Variants in RBFOX1 observed in about 807,000 individuals in gnomAD.
RBFOX1 encodes the protein RNA binding protein fox-1 homolog 1.
In RBFOX1, 8 loss-of-function variants were observed where a neutral mutation model predicts 57.7. The ratio of observed to expected loss-of-function variants is 0.14; its 90% CI spans 0.08 to 0.25. RBFOX1 has a LOEUF of 0.25. Among genes scored for constraint, RBFOX1 ranks in the 10% least tolerant of loss-of-function variants. The pLI, the probability that RBFOX1 is intolerant of heterozygous loss-of-function variation, is 1.00. For synonymous variants in RBFOX1, 326 were observed against 222.4 expected (o/e 1.47, Z -4.15); for missense variants, 611 against 548.5 (o/e 1.11, Z -1.14).
intron 4 of RBFOX1, among the ~76,000 whole-genome samples, chr16:7,054,496 C>T (rs1321658876): frequency 7.4e-6 from 1 of 135,516 alleles, no homozygotes; most frequent in African/African-American, 2.6e-5. Flanking sequence ...CAGCCTCGGC[C>T]CCCCAAGGTG....
chr16:5,366,578 G>T (rs1437520680), intron 1 of RBFOX1: 1 of 386,494 alleles, frequency 2.6e-6, no homozygotes, highest in African/African-American at 2.1e-5. Context: ...ATAGAAAAAG[G>T]TGATTCTTTT....
In RBFOX1 at chr16:5,761,040, G is replaced by T. The variant is rs185634605; in HGVS notation, c.319-106263G>T. Among the ~76,000 whole-genome samples, 246 of 152,308 alleles carry T rather than the reference G, an allele frequency of 1.6e-3. 1 individual carries two copies. Among genetic ancestry groups the T allele is most frequent in the Middle Eastern group, 0.014 (4 of 294 alleles). On this transcript the variant is annotated intron_variant, in intron 3 of 19. Transcript: ENST00000641259. ...TAATGTGGTAATTGATAGGATGGTG[G>T]CCAGTAGAAGGTTCTGGGGCAGGAA...
intron 2 of RBFOX1, among the ~76,000 whole-genome samples, chr16:5,482,521 A>G (rs1485069372): frequency 1.3e-5 from 2 of 152,248 alleles, no homozygotes; most frequent in Non-Finnish European, 2.9e-5. Flanking sequence ...GGAGAAAGAC[A>G]AAGCAGGCAC....
intron 2 of RBFOX1, among the ~76,000 whole-genome samples, chr16:6,362,548 C>T (rs900881463): frequency 1.3e-5 from 2 of 152,152 alleles, no homozygotes. Context: ...ATTAAGTTTA[C>T]CTGATGCTCT....
At chr16:5,542,899 T>A (rs1344574408) in intron 2 of RBFOX1, among the ~76,000 whole-genome samples, 2 of 152,188 alleles carry the variant, frequency 1.3e-5, no homozygotes, top group African/African-American at 2.4e-5. Context: ...TTTTAAGAGC[T>A]GCTTATAAGG....
chr16:5,959,906 A>G (rs2059715677), intron 4 of RBFOX1, among the ~76,000 whole-genome samples: 1 of 152,178 alleles, frequency 6.6e-6, no homozygotes, highest in Non-Finnish European at 1.5e-5. Context: ...GTTTTTGAAT[A>G]AGAGGAACCC....
At chr16:5,986,059 CTTT>C (rs56316210) in intron 4 of RBFOX1, among the ~76,000 whole-genome samples, 13 of 136,180 alleles carry the variant, frequency 9.5e-5, no homozygotes, top group South Asian at 2.3e-4. Flanking sequence ...TTTTTCTTTA[CTTT>C]TTTTTTTTTT....
intron 3 of RBFOX1, among the ~76,000 whole-genome samples, chr16:6,915,178 T>C (rs1280755623): frequency 1.3e-5 from 2 of 152,198 alleles, no homozygotes; most frequent in Non-Finnish European, 1.5e-5. Context: ...GCTGAGCTGC[T>C]GCTTTCCCCA....
chr16:6,974,238 T>G (rs994336167), intron 3 of RBFOX1, among the ~76,000 whole-genome samples: 1 of 152,020 alleles, frequency 6.6e-6, no homozygotes, highest in Non-Finnish European at 1.5e-5. Context: ...TTGTAACCCC[T>G]ATGAATGCAG....
chr16:5,414,231 T>C (rs2067099916), intron 1 of RBFOX1, among the ~76,000 whole-genome samples: 1 of 152,108 alleles, frequency 6.6e-6, no homozygotes, highest in African/African-American at 2.4e-5. Flanking sequence ...GTTTTTCTCT[T>C]GGTGTGGAGG....
chr16:6,928,684 C>A lies in RBFOX1; in HGVS notation c.-15-123373C>A, dbSNP rs940332619. Among the ~76,000 whole-genome samples, 5 of 152,282 alleles carry A rather than the reference C, an allele frequency of 3.3e-5. No homozygotes were observed. In the South Asian group the frequency reaches 1.0e-3, roughly 32 times the overall value. On this transcript the variant is annotated intron_variant, in intron 3 of 15. Transcript: ENST00000550418. ...AAGTAGCCCTCAAATTACTGAAGAA[C>A]TGTGAGGTCAGAGTGGTAAGTAAAA... is the stretch of plus-strand genomic sequence containing the variant.
At chr16:6,209,406 CCAA>C (rs148485737) in intron 1 of RBFOX1, among the ~76,000 whole-genome samples, 147,576 of 152,266 alleles carry the variant, frequency 0.97, 71,666 homozygotes, top group East Asian at 1. Flanking sequence ...GAATGTACAT[CCAA>C]ACTTCCAAAC....
chr16:6,646,938 G>A (rs1037490649), intron 2 of RBFOX1, among the ~76,000 whole-genome samples: 2 of 152,148 alleles, frequency 1.3e-5, no homozygotes, highest in African/African-American at 4.8e-5. Context: ...CACGTCCTAG[G>A]ACTGGGCCTT....
At chr16:7,441,140 C>A (rs2098763018) in intron 4 of RBFOX1, among the ~76,000 whole-genome samples, 1 of 152,120 alleles carries the variant, frequency 6.6e-6, no homozygotes, top group Non-Finnish European at 1.5e-5. Flanking sequence ...TGAGGTGGGG[C>A]TCACACCAGG....
intron 3 of RBFOX1, among the ~76,000 whole-genome samples, chr16:6,881,045 C>G (rs1181767378): frequency 6.6e-6 from 1 of 152,184 alleles, no homozygotes; most frequent in Non-Finnish European, 1.5e-5. Context: ...CCCTCCTATG[C>G]CTGTGGCAGA....
chr16:7,707,883 C>G (rs1366908166), intron 14 of RBFOX1, among the ~76,000 whole-genome samples: 1 of 152,146 alleles, frequency 6.6e-6, no homozygotes, highest in Non-Finnish European at 1.5e-5. Flanking sequence ...TTCGGTAAGT[C>G]ACTTGCACAG....
At chr16:7,080,268 A>C (rs1018006410) in intron 4 of RBFOX1, among the ~76,000 whole-genome samples, 1 of 151,964 alleles carries the variant, frequency 6.6e-6, no homozygotes, top group African/African-American at 2.4e-5. Context: ...AATTTTAGGG[A>C]TCTTTACTGC....
chr16:6,210,190 C>A (rs112366075), intron 1 of RBFOX1, among the ~76,000 whole-genome samples: 1 of 150,936 alleles, frequency 6.6e-6, no homozygotes, highest in Non-Finnish European at 1.5e-5. Context: ...TGGTGGTGGG[C>A]GCCTTTAATC....
At position 5,730,573 on chromosome 16, in the gene RBFOX1, C is replaced by T. The variant is rs1030800418; in HGVS notation, c.318+131612C>T. Among the ~76,000 whole-genome samples, 39 of 152,222 alleles carry T rather than the reference C, an allele frequency of 2.6e-4. 1 individual carries two copies. The highest frequency in any genetic ancestry group is 2.6e-3 in the Admixed American group (39 of 15,294). ...TCATCACCACTGCCATCATCATCGT[C>T]ATCATTACCATCATCATCACCAACA... is the stretch of plus-strand genomic sequence containing the variant. On this transcript the variant is annotated intron_variant, in intron 3 of 19. Coordinates refer to the RBFOX1 transcript ENST00000641259.
Sources: allele counts gnomAD v4.1 joint callset (sites outside exome capture counted in the v4.1 genomes callset), GRCh38; gene constraint gnomAD v4.1.1; transcripts MANE v1.5; gene names NCBI Gene and HGNC (gene_info 2026-07-23, HGNC 2026-07-21).